Variants in DIP2C observed in about 807,000 individuals in gnomAD.
DIP2C encodes the protein DIP2 acetate--CoA ligase C (putative).
A neutral mutation model predicts 192.4 loss-of-function variants in DIP2C; 33 were observed. The ratio of observed to expected loss-of-function variants is 0.17; its 90% CI spans 0.13 to 0.23. The LOEUF (loss-of-function observed/expected upper bound fraction) is 0.23. DIP2C is among the 10% of genes least tolerant of loss of function. The pLI, the probability that DIP2C is intolerant of heterozygous loss-of-function variation, is 1.00. For synonymous variants in DIP2C, 979 were observed against 864.1 expected (o/e 1.13, Z -2.33); for missense variants, 1,537 against 2,110.1 (o/e 0.73, Z 5.32).
At chr10:440,034 C>T (rs759193081) in intron 4 of DIP2C, among the ~76,000 whole-genome samples, 10 of 152,134 alleles carry the variant, frequency 6.6e-5, no homozygotes, top group Non-Finnish European at 1.2e-4. Context: ...CACCAAACAA[C>T]GTAGGTTCAA....
intron 32 of DIP2C, among the ~76,000 whole-genome samples, chr10:289,478 G>A (rs1353726856): frequency 1.3e-5 from 2 of 152,100 alleles, no homozygotes; most frequent in African/African-American, 4.8e-5. Context: ...ATGTTGCTTA[G>A]GCTGGTCTCA....
chr10:613,161 G>C (rs547234788), intron 1 of DIP2C, among the ~76,000 whole-genome samples: 109 of 152,304 alleles, frequency 7.2e-4, no homozygotes, highest in African/African-American at 2.6e-3. Context: ...AATTACCAGA[G>C]TTCATAACAT....
intron 1 of DIP2C, among the ~76,000 whole-genome samples, chr10:616,552 A>T (rs139030576): frequency 2.6e-4 from 39 of 152,342 alleles, no homozygotes; most frequent in African/African-American, 8.9e-4. Context: ...CCAGACCAGG[A>T]ATCAAGTCTG....
chr10:580,182 T>C (rs1364372297), intron 1 of DIP2C, among the ~76,000 whole-genome samples: 1 of 152,062 alleles, frequency 6.6e-6, no homozygotes, highest in Non-Finnish European at 1.5e-5. Flanking sequence ...TGCCTACACA[T>C]GCGTAGTGTA....
intron 35 of DIP2C, among the ~76,000 whole-genome samples, chr10:282,409 T>C (rs1206279976): frequency 6.6e-6 from 1 of 152,238 alleles, no homozygotes; most frequent in Non-Finnish European, 1.5e-5. Context: ...GTATGATTCC[T>C]AAACATAGCC....
At chr10:670,701 CTTCCT>C (rs993101651) in intron 1 of DIP2C, among the ~76,000 whole-genome samples, 3 of 152,196 alleles carry the variant, frequency 2.0e-5, no homozygotes, top group African/African-American at 2.4e-5. Context: ...CACTAAATAA[CTTCCT>C]TTCAAGGGTC....
rs374898649 is a variant in DIP2C at position 624,878 on chromosome 10, G to C, written c.85+64616C>G. 3.9e-3 allele frequency among the ~76,000 whole-genome samples: 590 copies of C among 152,300 alleles called. 2 individuals carry two copies. The highest frequency in any genetic ancestry group is 0.013 in the African/African-American group (553 of 41,576). On this transcript the variant is annotated intron_variant, in intron 1 of 36. Transcript: ENST00000280886. ...TGTGCATGTGGCCGGGAGAACCCGG[G>C]GGGGGAGCCGCACTGGGGACAGAGG...
At chr10:407,768 T>G (rs1054277502) in intron 9 of DIP2C, among the ~76,000 whole-genome samples, 1 of 152,198 alleles carries the variant, frequency 6.6e-6, no homozygotes, top group African/African-American at 2.4e-5. Context: ...TAAACGTTTT[T>G]GTTGTTGTTG....
At chr10:514,010 C>T (rs1444528552) in intron 1 of DIP2C, among the ~76,000 whole-genome samples, 1 of 152,202 alleles carries the variant, frequency 6.6e-6, no homozygotes, top group Non-Finnish European at 1.5e-5. Flanking sequence ...ATGTAGGATG[C>T]TCAGAAACCT....
chr10:326,428 G>A (rs189493997), intron 31 of DIP2C, among the ~76,000 whole-genome samples: 38 of 152,230 alleles, frequency 2.5e-4, no homozygotes, highest in African/African-American at 6.0e-4. Flanking sequence ...CACACCAACC[G>A]TTTGCCTCAC....
intron 4 of DIP2C, among the ~76,000 whole-genome samples, chr10:433,379 T>C (rs964639356): frequency 1.3e-5 from 2 of 152,206 alleles, no homozygotes; most frequent in African/African-American, 2.4e-5. Flanking sequence ...ACCACTTCCA[T>C]TTTTTAAAAT....
In DIP2C at chr10:334,656, C is replaced by T. The variant is rs143862610; in HGVS notation, c.3585-5055G>A. Among the ~76,000 whole-genome samples the T allele has an allele frequency of 4.6e-5, 7 of 152,224 alleles. No individual in the cohort carries two copies. In the East Asian group the frequency reaches 5.8e-4, roughly 13 times the overall value. On this transcript the variant is annotated intron_variant, in intron 29 of 36. Coordinates refer to ENST00000280886, the MANE Select transcript of DIP2C (RefSeq NM_014974.3). Reference sequence around the variant, plus strand: ...CTTTTTTCCTTTTCATGTGAATGTCCGAATTTCCCAGCATCTGTTGTTGGA... The same window carrying T: ...CTTTTTTCCTTTTCATGTGAATGTCTGAATTTCCCAGCATCTGTTGTTGGA...
chr10:361,806 CCT>C (rs570092511), intron 22 of DIP2C, among the ~76,000 whole-genome samples: 138 of 152,290 alleles, frequency 9.1e-4, no homozygotes, highest in African/African-American at 3.1e-3. Context: ...CAGAGCACTC[CCT>C]GAGGGACGAT....
intron 1 of DIP2C, among the ~76,000 whole-genome samples, chr10:611,602 A>C (rs560410335): frequency 6.1e-4 from 93 of 152,316 alleles, no homozygotes; most frequent in Admixed American, 1.8e-3. Context: ...TTAGCAGCAG[A>C]AAAGCTGAGC....
intron 1 of DIP2C, among the ~76,000 whole-genome samples, chr10:587,154 C>G (rs919608123): frequency 6.8e-6 from 1 of 146,636 alleles, no homozygotes; most frequent in Non-Finnish European, 1.5e-5. Flanking sequence ...CCGGACCACC[C>G]GGGTCCCTGC....
At chr10:643,679 C>A (rs1415245152) in intron 1 of DIP2C, among the ~76,000 whole-genome samples, 1 of 152,234 alleles carries the variant, frequency 6.6e-6, no homozygotes, top group Non-Finnish European at 1.5e-5. Context: ...CCCTAACCCT[C>A]GTTATGTCCA....
At chr10:524,737 T>G (rs1846948939) in intron 1 of DIP2C, among the ~76,000 whole-genome samples, 1 of 152,188 alleles carries the variant, frequency 6.6e-6, no homozygotes, top group South Asian at 2.1e-4. Context: ...TTCTATAACT[T>G]GCTACCTTGA....
intron 26 of DIP2C, among the ~76,000 whole-genome samples, chr10:346,238 T>C (rs1478070895): frequency 3.7e-3 from 21 of 5,702 alleles, no homozygotes; most frequent in East Asian, 8.1e-3. Context: ...ACATATCGCG[T>C]ATAGTTCTCC....
At chr10:368,495 G>GCAGGGAAT (rs1181298149) in intron 18 of DIP2C, among the ~76,000 whole-genome samples, 2 of 152,186 alleles carry the variant, frequency 1.3e-5, no homozygotes, top group Non-Finnish European at 2.9e-5. Flanking sequence ...GAGGGCGTCC[G>GCAGGGAAT]CAGGGAATCA....
Sources: allele counts gnomAD v4.1 joint callset (sites outside exome capture counted in the v4.1 genomes callset), GRCh38; gene constraint gnomAD v4.1.1; transcripts MANE v1.5; gene names NCBI Gene and HGNC (gene_info 2026-07-23, HGNC 2026-07-21).